Variants in NIM1K observed in about 807,000 individuals in gnomAD.
The protein encoded by NIM1K is serine/threonine-protein kinase NIM1.
NIM1K carries 35 observed loss-of-function variants against 37.1 expected under a neutral mutation model. That is an observed-to-expected ratio of 0.94 (90% CI 0.72 to 1.25). NIM1K has a LOEUF of 1.25. NIM1K is among the 50% of genes most tolerant of loss of function. NIM1K has a pLI of 0.00. For missense variants in NIM1K, 564 were observed against 548.0 expected, an observed-to-expected ratio of 1.03 and a Z score of -0.29; for synonymous variants, 234 against 206.6, an observed-to-expected ratio of 1.13 and a Z score of -1.14.
intron 1 of NIM1K, among the ~76,000 whole-genome samples, chr5:43,237,463 A>T (rs1025139774): frequency 6.6e-6 from 1 of 152,234 alleles, no homozygotes; most frequent in Non-Finnish European, 1.5e-5. Context: ...ATAAAAATTG[A>T]TCAAAATCTA....
At chr5:43,209,305 G>C (rs1038071507) in intron 1 of NIM1K, among the ~76,000 whole-genome samples, 18 of 152,148 alleles carry the variant, frequency 1.2e-4, no homozygotes, top group Non-Finnish European at 5.9e-5. Flanking sequence ...ACTGGGAGCC[G>C]TAAGAGTGTT....
chr5:43,231,488 G>A (rs999394151), intron 1 of NIM1K, among the ~76,000 whole-genome samples: 1 of 152,018 alleles, frequency 6.6e-6, no homozygotes, highest in Non-Finnish European at 1.5e-5. Flanking sequence ...TTTCCCAGTG[G>A]TCTCAAATGC....
At chr5:43,198,475 T>C (rs1043842549) in intron 1 of NIM1K, among the ~76,000 whole-genome samples, 1 of 151,850 alleles carries the variant, frequency 6.6e-6, no homozygotes, top group African/African-American at 2.4e-5. Flanking sequence ...AAACTGTCTT[T>C]ATTTTTATTG....
chr5:43,217,370 A>G (rs749129478), intron 1 of NIM1K, among the ~76,000 whole-genome samples: 1 of 151,140 alleles, frequency 6.6e-6, no homozygotes, highest in Non-Finnish European at 1.5e-5. Context: ...TCCATTCATC[A>G]GTTGATGAAT....
intron 1 of NIM1K, chr5:43,243,027 C>A (rs1284949921): frequency 1.3e-5 from 2 of 152,262 alleles, no homozygotes; most frequent in Non-Finnish European, 2.9e-5. Flanking sequence ...GTCTCAAACT[C>A]CTAACCTCAG....
At chr5:43,195,670 A>T (rs1489640213) in intron 1 of NIM1K, among the ~76,000 whole-genome samples, 1 of 151,836 alleles carries the variant, frequency 6.6e-6, no homozygotes, top group Admixed American at 6.6e-5. Context: ...CCAAAAAAAA[A>T]AAAAAAAAAA....
chr5:43,263,041 A>G (rs539111998), intron 2 of NIM1K, among the ~76,000 whole-genome samples: 167 of 152,282 alleles, frequency 1.1e-3, no homozygotes, highest in South Asian at 3.3e-3. Flanking sequence ...TTTTGCATCA[A>G]TGTTCATCAG....
At chr5:43,230,644 T>G (rs566647259) in intron 1 of NIM1K, among the ~76,000 whole-genome samples, 65 of 152,290 alleles carry the variant, frequency 4.3e-4, no homozygotes, top group Middle Eastern at 3.4e-3. Flanking sequence ...ATCACAATAT[T>G]TGGGGGGCAG....
chr5:43,250,814 A>G (rs1752857237), intron 2 of NIM1K, among the ~76,000 whole-genome samples: 1 of 152,224 alleles, frequency 6.6e-6, no homozygotes, highest in East Asian at 1.9e-4. Context: ...CATAAGGCCA[A>G]CTTTGAGAAG....
At chr5:43,193,983 T>G (rs1368929191) in intron 1 of NIM1K, among the ~76,000 whole-genome samples, 1 of 152,032 alleles carries the variant, frequency 6.6e-6, no homozygotes, top group Non-Finnish European at 1.5e-5. Flanking sequence ...CATGTTGTTG[T>G]TTTTTTTATT....
chr5:43,267,269 A>G (rs972576378), intron 2 of NIM1K, among the ~76,000 whole-genome samples: 1 of 152,174 alleles, frequency 6.6e-6, no homozygotes, highest in Non-Finnish European at 1.5e-5. Context: ...AGTAATCTCA[A>G]CTGATCTTTT....
intron 1 of NIM1K, chr5:43,233,002 G>C: frequency 8.4e-7 from 1 of 1,187,392 alleles, no homozygotes; most frequent in Non-Finnish European, 1.3e-6. Flanking sequence ...ATGCTTGCCG[G>C]AGCCCGTCTC....
At chr5:43,252,406 T>C (rs1752878551) in intron 2 of NIM1K, among the ~76,000 whole-genome samples, 1 of 152,008 alleles carries the variant, frequency 6.6e-6, no homozygotes, top group Non-Finnish European at 1.5e-5. Flanking sequence ...GGAAAATAAA[T>C]AGCAGTTTGT....
chr5:43,280,096 G>A lies in NIM1K; in HGVS notation c.678G>A (p.Met226Ile), dbSNP rs763422861. 1 of 1,614,192 alleles carries A rather than the reference G, an allele frequency of 6.2e-7. No homozygotes were observed. The highest frequency in any genetic ancestry group is 8.5e-7 in the Non-Finnish European group (1 of 1,180,024). ...GFSTVSKKGE[M>I]LNTFCGSPPY... The stretch of plus-strand genomic sequence containing the variant: ...GCACAGTAAGCAAAAAAGGTGAAAT[G>A]CTGAACACTTTCTGTGGGTCTCCTC... Residue 226 changes from methionine (M) to isoleucine (I), a missense_variant, in exon 4 of 4, where the codon ATG becomes ATA. Coordinates refer to ENST00000326035, the MANE Select transcript of NIM1K (RefSeq NM_153361.4).
chr5:43,253,815 A>G (rs1488936463), intron 2 of NIM1K, among the ~76,000 whole-genome samples: 1 of 151,896 alleles, frequency 6.6e-6, no homozygotes, highest in Non-Finnish European at 1.5e-5. Flanking sequence ...ACACGCCACC[A>G]TGCTCGGCAA....
intron 2 of NIM1K, among the ~76,000 whole-genome samples, chr5:43,270,023 G>T (rs908057745): frequency 2.0e-5 from 3 of 152,210 alleles, no homozygotes; most frequent in African/African-American, 7.2e-5. Flanking sequence ...AGTCCTTTTA[G>T]AATTTTGTGT....
At chr5:43,272,957 C>A (rs569949003) in intron 2 of NIM1K, among the ~76,000 whole-genome samples, 1 of 152,134 alleles carries the variant, frequency 6.6e-6, no homozygotes, top group African/African-American at 2.4e-5. Context: ...TTTGCTATTA[C>A]CACCCTGGCA....
At chr5:43,195,403 A>C (rs1025127188) in intron 1 of NIM1K, among the ~76,000 whole-genome samples, 1 of 152,162 alleles carries the variant, frequency 6.6e-6, no homozygotes, top group Non-Finnish European at 1.5e-5. Flanking sequence ...CAGGCCTGTA[A>C]TCCCAATACT....
chr5:43,215,828 T>C (rs1752291725), intron 1 of NIM1K, among the ~76,000 whole-genome samples: 1 of 152,214 alleles, frequency 6.6e-6, no homozygotes, highest in African/African-American at 2.4e-5. Context: ...CTTTAGTGGA[T>C]TTACGTTATT....
Sources: gnomAD v4.1 joint callset for allele counts (sites outside exome capture counted in the v4.1 genomes callset) on GRCh38, gnomAD v4.1.1 for gene constraint, MANE v1.5 for transcripts, NCBI Gene and HGNC (gene_info 2026-07-23, HGNC 2026-07-21) for gene names.